The following ARHGAP12 variants were observed in gnomAD, a reference collection of about 807,000 sequenced individuals.
ARHGAP12 encodes Rho GTPase activating protein 12.
A neutral mutation model predicts 108.6 loss-of-function variants in ARHGAP12; 64 were observed. That is an observed-to-expected ratio of 0.59 (90% CI 0.48 to 0.73). ARHGAP12 has a LOEUF of 0.73. Ranked by LOEUF, ARHGAP12 falls within the 30% of genes least tolerant of loss-of-function variation. The pLI is 0.00. For missense variants in ARHGAP12, 940 were observed against 1,005.9 expected, an observed-to-expected ratio of 0.93 and a Z score of 0.89; for synonymous variants, 312 against 337.2, an observed-to-expected ratio of 0.93 and a Z score of 0.82.
chr10:31,857,747 G>A (rs1381020645), intron 4 of ARHGAP12, among the ~76,000 whole-genome samples: 3 of 152,040 alleles, frequency 2.0e-5, no homozygotes, highest in South Asian at 2.1e-4. Context: ...AATGGAAGCC[G>A]GAAAATATGA....
chr10:31,852,838 C>T (rs1318378311), intron 5 of ARHGAP12, among the ~76,000 whole-genome samples: 5 of 151,344 alleles, frequency 3.3e-5, no homozygotes, highest in South Asian at 2.1e-4. Context: ...GCAATTCTCC[C>T]GCATCAGCCT....
At position 31,807,547 on chromosome 10, in the gene ARHGAP12, G is replaced by A; in HGVS notation, c.*111C>T. 2 of 1,069,124 alleles carry A rather than the reference G, an allele frequency of 1.9e-6. No individual in the cohort carries two copies. The highest frequency in any genetic ancestry group is 1.3e-6 in the Non-Finnish European group (1 of 772,730). The allele number at this position is 1,069,124 out of a possible 1,614,324, so 66.2% of individuals were successfully genotyped here. ...TCCCTTCTGATCCCTCAAAAAAAAA[G>A]TGCAAAATCAAAGAGTCACTGCTTG... On this transcript the variant is annotated 3_prime_UTR_variant, in exon 20 of 20. Transcript: ENST00000344936.
At chr10:31,922,441 T>A (rs60373873) in intron 1 of ARHGAP12, among the ~76,000 whole-genome samples, 1 of 151,384 alleles carries the variant, frequency 6.6e-6, no homozygotes, top group Non-Finnish European at 1.5e-5. Flanking sequence ...CTTGCTCTGT[T>A]GCCCAGGCTG....
chr10:31,851,973 G>A (rs1397936527), intron 6 of ARHGAP12, among the ~76,000 whole-genome samples: 1 of 151,980 alleles, frequency 6.6e-6, no homozygotes, highest in African/African-American at 2.4e-5. Context: ...TATGCATATG[G>A]CCACTTTGAA....
chr10:31,889,330 G>A (rs1838317859), intron 3 of ARHGAP12, among the ~76,000 whole-genome samples: 1 of 152,182 alleles, frequency 6.6e-6, no homozygotes, highest in South Asian at 2.1e-4. Context: ...AATATCATCT[G>A]TCAATTGCTT....
At chr10:31,891,467 C>A (rs1838429072) in intron 3 of ARHGAP12, among the ~76,000 whole-genome samples, 1 of 152,214 alleles carries the variant, frequency 6.6e-6, no homozygotes, top group African/African-American at 2.4e-5. Flanking sequence ...GTCTGATGGG[C>A]TTCCCTTTGT....
At chr10:31,914,200 C>T (rs1229444260) in intron 1 of ARHGAP12, among the ~76,000 whole-genome samples, 2 of 152,088 alleles carry the variant, frequency 1.3e-5, no homozygotes. Flanking sequence ...TTTTTGCTTT[C>T]GTTGCCTGTG....
chr10:31,895,085 C>T (rs375330651), intron 3 of ARHGAP12, among the ~76,000 whole-genome samples: 5 of 152,066 alleles, frequency 3.3e-5, no homozygotes, highest in South Asian at 4.1e-4. Context: ...TTATACCTTA[C>T]ACAAAAATTA....
At chr10:31,924,366 G>C (rs1375548864) in intron 1 of ARHGAP12, among the ~76,000 whole-genome samples, 1 of 152,142 alleles carries the variant, frequency 6.6e-6, no homozygotes, top group Admixed American at 6.5e-5. Context: ...AAAGATCCTT[G>C]TAAGAACGGA....
chr10:31,868,368 TG>T (rs992728967), intron 3 of ARHGAP12, among the ~76,000 whole-genome samples: 15 of 152,176 alleles, frequency 9.9e-5, no homozygotes, highest in Non-Finnish European at 1.8e-4. Context: ...GTATTATATA[TG>T]TTTTTTTCTA....
chr10:31,825,699 T>G (rs1448207504), intron 11 of ARHGAP12, among the ~76,000 whole-genome samples: 1 of 152,168 alleles, frequency 6.6e-6, no homozygotes, highest in South Asian at 2.1e-4. Flanking sequence ...GGATACAGAA[T>G]GAGCATTCAA....
chr10:31,842,979 G>C (rs1836326419), intron 7 of ARHGAP12, among the ~76,000 whole-genome samples: 1 of 152,108 alleles, frequency 6.6e-6, no homozygotes, highest in African/African-American at 2.4e-5. Context: ...AGAGCATTTA[G>C]AGAAACAAAG....
chr10:31,899,718 T>A (rs918637054), intron 3 of ARHGAP12, among the ~76,000 whole-genome samples: 1 of 152,114 alleles, frequency 6.6e-6, no homozygotes, highest in East Asian at 1.9e-4. Context: ...TCACAAAAAA[T>A]TAACTAAAAA....
At chr10:31,918,153 C>T (rs1422567847) in intron 1 of ARHGAP12, among the ~76,000 whole-genome samples, 1 of 152,002 alleles carries the variant, frequency 6.6e-6, no homozygotes, top group Non-Finnish European at 1.5e-5. Flanking sequence ...GAGGGTCTTG[C>T]TATGTTGCTC....
intron 15 of ARHGAP12, among the ~76,000 whole-genome samples, chr10:31,810,965 C>A (rs551847775): frequency 6.6e-6 from 1 of 152,288 alleles, no homozygotes; most frequent in Admixed American, 6.5e-5. Flanking sequence ...CCTGAAAATT[C>A]TTTGTACTTT....
chr10:31,874,196 G>C (rs560617658), intron 3 of ARHGAP12, among the ~76,000 whole-genome samples: 1 of 152,246 alleles, frequency 6.6e-6, no homozygotes, highest in South Asian at 2.1e-4. Context: ...ATAAAAAATT[G>C]ATCCATAGTT....
At chr10:31,916,029 G>A (rs1040273050) in intron 1 of ARHGAP12, among the ~76,000 whole-genome samples, 2 of 152,038 alleles carry the variant, frequency 1.3e-5, no homozygotes, top group Admixed American at 6.6e-5. Flanking sequence ...AAAGTTGAAC[G>A]CTGTTTATCC....
intron 11 of ARHGAP12, among the ~76,000 whole-genome samples, chr10:31,821,040 T>C (rs1835398341): frequency 6.6e-6 from 1 of 152,126 alleles, no homozygotes; most frequent in Non-Finnish European, 1.5e-5. Flanking sequence ...ACAAGCGCAT[T>C]TTCTACCTAA....
In ARHGAP12 at chr10:31,814,476, C is replaced by A. The variant is rs1835130535; in HGVS notation, c.1732-115G>T. ...GACTCTTCCAAACAATTTTAGGAAA[C>A]CAATTAGTATACAGTATGTATGACT... On this transcript the variant is annotated intron_variant, in intron 13 of 19. Transcript: ENST00000344936. The A allele has an allele frequency of 2.9e-5, 23 of 799,872 alleles. 1 individual carries two copies. The highest frequency in any genetic ancestry group is 6.8e-4 in the Middle Eastern group (2 of 2,958). 49.5% of individuals were successfully genotyped at this position (799,872 alleles called of 1,614,324 possible).
Sources: gnomAD v4.1 joint callset for allele counts (sites outside exome capture counted in the v4.1 genomes callset) on GRCh38, gnomAD v4.1.1 for gene constraint, MANE v1.5 for transcripts, NCBI Gene and HGNC (gene_info 2026-07-23, HGNC 2026-07-21) for gene names.